The following SLC30A1 variants were observed in gnomAD, a reference collection of about 807,000 sequenced individuals.
SLC30A1 encodes the protein proton-coupled zinc antiporter SLC30A1.
Under a neutral mutation model 29.8 loss-of-function variants are expected in SLC30A1, and 7 were observed. The ratio of observed to expected loss-of-function variants is 0.23; its 90% CI spans 0.13 to 0.44. The LOEUF is 0.44. SLC30A1 is among the 20% of genes least tolerant of loss of function. The pLI, the probability that SLC30A1 is intolerant of heterozygous loss-of-function variation, is 1.00. For synonymous variants in SLC30A1, 254 were observed against 253.5 expected (o/e 1.00, Z -0.02); for missense variants, 446 against 647.9 (o/e 0.69, Z 3.38).
intron 1 of SLC30A1, among the ~76,000 whole-genome samples, chr1:211,576,679 A>G (rs1706723000): frequency 6.6e-6 from 1 of 152,184 alleles, no homozygotes; most frequent in Non-Finnish European, 1.5e-5. Flanking sequence ...AATACAAAAT[A>G]CCTGATTTGA....
chr1:211,576,177 C>G lies in SLC30A1; in HGVS notation c.735G>C (p.Met245Ile). 1 of 1,614,026 alleles carries G rather than the reference C, an allele frequency of 6.2e-7. No individual in the cohort carries two copies. Among genetic ancestry groups the G allele is most frequent in the Non-Finnish European group, 8.5e-7 (1 of 1,179,986 alleles). Reference sequence around the variant, plus strand: ...CAAGGACATGCAGAAAAACTCCACGCATGTTAAGTTGTCCAGCCCTATCTT... The same window carrying G: ...CAAGGACATGCAGAAAAACTCCACGGATGTTAAGTTGTCCAGCCCTATCTT... ...LEEDRAGQLN[M>I]RGVFLHVLGD... Residue 245 changes from methionine (M) to isoleucine (I), a missense_variant, in exon 2 of 2, where the codon ATG (methionine) becomes ATC (isoleucine). Physicochemically the swap from Met to Ile is conservative, Grantham distance 10 (BLOSUM62 1). This residue lies in a region of SLC30A1 where 187 missense variants were observed against 312.7 expected (regional missense o/e 0.60). Coordinates refer to ENST00000367001, the MANE Select transcript of SLC30A1 (RefSeq NM_021194.3).
At position 211,575,628 on chromosome 1, in the gene SLC30A1, T is replaced by C; in HGVS notation, c.1284A>G (p.Ser428=). ...AGGCAAGTTCACACGGAACTACACT[T>C]GATTTAGAGCCTACACTAGCAAATT... ...QPEFASVGSK[S]SVVPCELACR... Residue 428 remains serine, a synonymous_variant, in exon 2 of 2, where the codon TCA becomes TCG. Transcript: ENST00000367001. This position sits in a 1 kb window ranked among gnomAD's most constrained non-coding sequence, Gnocchi z 6.0. The C allele has an allele frequency of 6.2e-7, 1 of 1,614,174 alleles. No homozygotes were observed. The highest frequency in any genetic ancestry group is 8.5e-7 in the Non-Finnish European group (1 of 1,180,012).
chr1:211,574,902 G>T lies in SLC30A1; in HGVS notation c.*486C>A, dbSNP rs1384699535. The T allele has an allele frequency of 6.5e-6, 1 of 154,206 alleles. No individual in the cohort carries two copies. Among genetic ancestry groups the T allele is most frequent in the East Asian group, 1.9e-4 (1 of 5,208 alleles). 9.6% of individuals were successfully genotyped at this position (154,206 alleles called of 1,614,324 possible). A position where few individuals can be genotyped will look rare whatever the true frequency, so the allele number is the denominator to read the frequency against. ...CCATGAGTCACTCTTAAAATATGCT[G>T]CCATTATGCTATGTAATGATCTCAA... On this transcript the variant is annotated 3_prime_UTR_variant, in exon 2 of 2. Transcript: ENST00000367001.
Position 211,578,109 on chromosome 1 carries a change from G to A in SLC30A1, c.504C>T (p.Thr168=), listed in dbSNP as rs764285196. Residue 168 remains threonine (T), a synonymous_variant, in exon 1 of 2, where the codon ACC becomes ACT. Coordinates refer to ENST00000367001, the MANE Select transcript of SLC30A1 (RefSeq NM_021194.3). The part of the protein sequence containing the change: ...GLPKGPRVKS[T]RPGSSDINVA... Reference sequence around the variant, plus strand: ...CGTTGATGTCGCTGCTCCCGGGGCGGGTGCTCTTAACGCGAGGCCCCTTGG... The same window carrying A: ...CGTTGATGTCGCTGCTCCCGGGGCGAGTGCTCTTAACGCGAGGCCCCTTGG... 6.2e-7 allele frequency: 1 copy of A among 1,610,458 alleles called. No individual in the cohort carries two copies.
Position 211,578,034 on chromosome 1 carries a change from C to A in SLC30A1, c.579G>T (p.Val193=). 1 of 1,613,252 alleles carries A rather than the reference C, an allele frequency of 6.2e-7. No individual in the cohort carries two copies. Among genetic ancestry groups the A allele is most frequent in the Non-Finnish European group, 8.5e-7 (1 of 1,179,870 alleles). ...GCCCGTTGGAGTTGCTGGTATTGGC[C>A]ACCAGGGTGTTGGTCTCCTCCTGGT... The part of the protein sequence containing the change: ...GPDQEETNTL[V]ANTSNSNGLK... The change falls in exon 1 of 2, where the codon GTG becomes GTT. Residue 193 remains valine, a synonymous_variant. Transcript: ENST00000367001.
intron 1 of SLC30A1, among the ~76,000 whole-genome samples, chr1:211,576,656 G>A (rs991683476): frequency 2.0e-5 from 3 of 152,126 alleles, no homozygotes; most frequent in South Asian, 2.1e-4. Context: ...ATGCAGCTAG[G>A]AATAAGTCTA....
At position 211,578,913 on chromosome 1, in the gene SLC30A1, C is replaced by T. The variant is rs1272926027; in HGVS notation, c.-301G>A. On this transcript the variant is annotated 5_prime_UTR_variant, in exon 1 of 2. Coordinates refer to ENST00000367001, the MANE Select transcript of SLC30A1 (RefSeq NM_021194.3). Reference sequence around the variant, plus strand: ...AGCAGCCCCCACACCCAGGCGGCGGCGGTGGCGGGGAGCTGGGCTCCCGGA... The same window carrying T: ...AGCAGCCCCCACACCCAGGCGGCGGTGGTGGCGGGGAGCTGGGCTCCCGGA... 1.3e-5 allele frequency among the ~76,000 whole-genome samples: 2 copies of T among 152,186 alleles called. No individual in the cohort carries two copies. Among genetic ancestry groups the T allele is most frequent in the African/African-American group, 4.8e-5 (2 of 41,458 alleles).
In SLC30A1 at chr1:211,578,240, G is replaced by A; in HGVS notation, c.373C>T (p.Leu125=). The A allele has an allele frequency of 6.2e-7, 1 of 1,611,888 alleles. No individual in the cohort carries two copies. Among genetic ancestry groups the A allele is most frequent in the Non-Finnish European group, 8.5e-7 (1 of 1,179,424 alleles). ...VVLGVGVAGL[L]VNVLGLCLFH... ...AGGCAGAGCCCCAGCACGTTGACCA[G>A]CAGCCCGGCCACGCCGACCCCAAGG... Residue 125 remains leucine (L), a synonymous_variant, in exon 1 of 2, where the codon CTG becomes TTG. Coordinates refer to ENST00000367001, the MANE Select transcript of SLC30A1 (RefSeq NM_021194.3).
Position 211,575,547 on chromosome 1 carries a change from A to G in SLC30A1, c.1365T>C (p.Ser455=). 6.2e-7 allele frequency: 1 copy of G among 1,614,192 alleles called. No individual in the cohort carries two copies. The highest frequency in any genetic ancestry group is 8.5e-7 in the Non-Finnish European group (1 of 1,180,030). The change falls in exon 2 of 2, where the codon TCT becomes TCC. Residue 455 remains serine (S), a synonymous_variant. Transcript: ENST00000367001. The surrounding 1 kb of genome is among the most constrained non-coding windows in gnomAD (Gnocchi z 6.0). The part of the protein sequence containing the change: ...QCCGTLPQAP[S]GKDAEKTPAV... ...CTGGGGTCTTTTCTGCATCCTTTCC[A>G]GAAGGGGCTTGTGGTAGTGTCCCAC... is the stretch of plus-strand genomic sequence containing the variant.
In SLC30A1 at chr1:211,575,396, A is replaced by C. The variant is rs1706706327; in HGVS notation, c.1516T>G (p.Ser506Ala). Residue 506 changes from serine to alanine, a missense_variant, in exon 2 of 2, where the codon TCT becomes GCT. This residue lies in a region of SLC30A1 where 187 missense variants were observed against 312.7 expected (regional missense o/e 0.60). Transcript: ENST00000367001. The surrounding 1 kb of genome is among the most constrained non-coding windows in gnomAD (Gnocchi z 6.0). Reference sequence around the variant, plus strand: ...CACATCTTTTTCAAGACTCACAAAGATGATTCAGGTTGTTTGTTTGGCATG... The same window carrying C: ...CACATCTTTTTCAAGACTCACAAAGCTGATTCAGGTTGTTTGTTTGGCATG... The part of the protein sequence containing the change: ...KNMPNKQPES[S>A]L 1 of 1,584,446 alleles carries C rather than the reference A, an allele frequency of 6.3e-7. No homozygotes were observed. Among genetic ancestry groups the C allele is most frequent in the Non-Finnish European group, 8.6e-7 (1 of 1,167,454 alleles).
Position 211,573,422 on chromosome 1 carries a change from A to T in SLC30A1, c.*1966T>A, listed in dbSNP as rs1706676806. On this transcript the variant is annotated 3_prime_UTR_variant, in exon 2 of 2. Coordinates refer to ENST00000367001, the MANE Select transcript of SLC30A1 (RefSeq NM_021194.3). ...ACTTAGGTGTCATGCCATCTTTAAG[A>T]CACAGACCTCAAGTAGAGCATTTGT... 1 of 152,086 alleles carries T rather than the reference A, an allele frequency of 6.6e-6. No homozygotes were observed. The highest frequency in any genetic ancestry group is 1.5e-5 in the Non-Finnish European group (1 of 67,902). The allele number at this position is 152,086 out of a possible 1,614,324, so 9.4% of individuals were successfully genotyped here.
chr1:211,578,304 G>A lies in SLC30A1; in HGVS notation c.309C>T (p.Arg103=), dbSNP rs1321116172. ...GCTGCATCTCGTGCGGCTCGATGAA[G>A]CGCTCGATGGCCTCCAGCAGGATGG... The part of the protein sequence containing the change: ...CFAILLEAIE[R]FIEPHEMQQP... The change falls in exon 1 of 2, where the codon CGC becomes CGT. Residue 103 remains arginine (R), a synonymous_variant. Coordinates refer to ENST00000367001, the MANE Select transcript of SLC30A1 (RefSeq NM_021194.3). 1.9e-6 allele frequency: 3 copies of A among 1,612,820 alleles called. No individual in the cohort carries two copies. The highest frequency in any genetic ancestry group is 2.5e-6 in the Non-Finnish European group (3 of 1,179,798).
In SLC30A1 at chr1:211,575,564, G is replaced by A; in HGVS notation, c.1348C>T (p.Leu450=). ...TCCTTTCCAGAAGGGGCTTGTGGTA[G>A]TGTCCCACAACATTGCTTCAAAGCA... is the stretch of plus-strand genomic sequence containing the variant. ...QCALKQCCGT[L]PQAPSGKDAE... Residue 450 remains leucine, a synonymous_variant, in exon 2 of 2, where the codon CTA becomes TTA. Coordinates refer to ENST00000367001, the MANE Select transcript of SLC30A1 (RefSeq NM_021194.3). The surrounding 1 kb of genome is among the most constrained non-coding windows in gnomAD (Gnocchi z 6.0). 1.5e-5 allele frequency: 25 copies of A among 1,614,142 alleles called. No homozygotes were observed. Among genetic ancestry groups the A allele is most frequent in the Middle Eastern group, 1.6e-4 (1 of 6,062 alleles).
rs1230732252 is a variant in SLC30A1 at position 211,574,386 on chromosome 1, GA to G, written c.*1001del. 6.6e-6 allele frequency: 1 copy of G among 151,986 alleles called. No individual in the cohort carries two copies. Among genetic ancestry groups the G allele is most frequent in the Non-Finnish European group, 1.5e-5 (1 of 67,916 alleles). The allele number at this position is 151,986 out of a possible 1,614,324, so 9.4% of individuals were successfully genotyped here. A position where few individuals can be genotyped will look rare whatever the true frequency, so the allele number is the denominator to read the frequency against. Reference sequence around the variant, plus strand: ...TTTCCTCTCAAGTCAGTGACTCTTAGAAAGCACAAACATTGCTGGTTGTGCT... The same window carrying G: ...TTTCCTCTCAAGTCAGTGACTCTTAGAAGCACAAACATTGCTGGTTGTGCT... On this transcript the variant is annotated 3_prime_UTR_variant, in exon 2 of 2. Transcript: ENST00000367001.
rs1706677376 is a variant in SLC30A1 at position 211,573,465 on chromosome 1, A to G, written c.*1923T>C. ...GCATTTGTAAAGAAAACCTCATTGA[A>G]TGTAATATATTTTATCAGTTATCTT... On this transcript the variant is annotated 3_prime_UTR_variant, in exon 2 of 2. Coordinates refer to ENST00000367001, the MANE Select transcript of SLC30A1 (RefSeq NM_021194.3). The G allele has an allele frequency of 6.6e-6, 1 of 152,046 alleles. No homozygotes were observed. Among genetic ancestry groups the G allele is most frequent in the Non-Finnish European group, 1.5e-5 (1 of 67,896 alleles). 9.4% of individuals were successfully genotyped at this position (152,046 alleles called of 1,614,324 possible).
At position 211,575,387 on chromosome 1, in the gene SLC30A1, C is replaced by T; in HGVS notation, c.*1G>A. ...GTCAAATATCACATCTTTTTCAAGA[C>T]TCACAAAGATGATTCAGGTTGTTTG... On this transcript the variant is annotated 3_prime_UTR_variant, in exon 2 of 2. Transcript: ENST00000367001. This position sits in a 1 kb window ranked among gnomAD's most constrained non-coding sequence, Gnocchi z 6.0. 5.7e-6 allele frequency: 9 copies of T among 1,567,848 alleles called. No homozygotes were observed. Among genetic ancestry groups the T allele is most frequent in the Non-Finnish European group, 6.0e-6 (7 of 1,160,232 alleles).
chr1:211,576,572 C>T (rs1293606903), intron 1 of SLC30A1, among the ~76,000 whole-genome samples: 1 of 152,082 alleles, frequency 6.6e-6, no homozygotes, highest in Non-Finnish European at 1.5e-5. Flanking sequence ...GGGGTGGAGT[C>T]CTGCAACCAT....
chr1:211,576,822 C>A (rs909392131), intron 1 of SLC30A1, among the ~76,000 whole-genome samples: 2 of 151,942 alleles, frequency 1.3e-5, no homozygotes, highest in African/African-American at 4.8e-5. Flanking sequence ...GACAAATCAA[C>A]AATAAAAATC....
In SLC30A1 at chr1:211,575,445, A is replaced by T. The variant is rs777277264; in HGVS notation, c.1467T>A (p.Pro489=). The T allele has an allele frequency of 3.1e-6, 5 of 1,613,654 alleles. No homozygotes were observed. The highest frequency in any genetic ancestry group is 4.2e-6 in the Non-Finnish European group (5 of 1,179,788). ...KPRRTKAENI[P]AVVIEIKNMP... ...TGTTTTTAATCTCTATCACAACAGC[A>T]GGGATGTTTTCAGCTTTAGTCCTCC... The change falls in exon 2 of 2, where the codon CCT becomes CCA. Residue 489 remains proline (P), a synonymous_variant. Coordinates refer to ENST00000367001, the MANE Select transcript of SLC30A1 (RefSeq NM_021194.3). The surrounding 1 kb of genome is among the most constrained non-coding windows in gnomAD (Gnocchi z 6.0).
Sources: allele counts gnomAD v4.1 joint callset (sites outside exome capture counted in the v4.1 genomes callset), GRCh38; gene constraint gnomAD v4.1.1; regional missense constraint gnomAD v4.1.1; non-coding constraint Gnocchi (gnomAD v3.1); transcripts MANE v1.5; gene names NCBI Gene and HGNC (gene_info 2026-07-23, HGNC 2026-07-21).